The following ITGB8 variants were observed in gnomAD, a reference collection of about 807,000 sequenced individuals.
The protein encoded by ITGB8 is integrin beta-8.
Under a neutral mutation model 89.5 loss-of-function variants are expected in ITGB8, and 30 were observed. That is an observed-to-expected ratio of 0.34 (90% confidence interval 0.25 to 0.45). The LOEUF is 0.45. Ranked by LOEUF, ITGB8 falls within the 20% of genes least tolerant of loss-of-function variation. The pLI is 1.00. For synonymous variants in ITGB8, 335 were observed against 320.4 expected (o/e 1.05, Z -0.49); for missense variants, 836 against 933.3 (o/e 0.90, Z 1.36).
Position 20,367,332 on chromosome 7 carries a change from A to T in ITGB8, c.388+146A>T, listed in dbSNP as rs946551067. ...CTCAGAATCAAGAAATTAGAATTCT[A>T]GTCTTTATAGTGCCTGCAGCCAGCT... On this transcript the variant is annotated intron_variant, in intron 3 of 13. Transcript: ENST00000222573. The T allele has an allele frequency of 1.6e-5, 11 of 667,306 alleles. No homozygotes were observed. The African/African-American group carries it at 2.0e-4, about 12-fold the overall frequency. 41.3% of individuals were successfully genotyped at this position (667,306 alleles called of 1,614,324 possible).
chr7:20,340,943 T>C (rs1319608023), intron 1 of ITGB8, among the ~76,000 whole-genome samples: 3 of 152,236 alleles, frequency 2.0e-5, no homozygotes, highest in Admixed American at 1.3e-4. Flanking sequence ...TCTTTTCTAA[T>C]TGCCTGCTGG....
rs768725752 is a variant in ITGB8, at chr7:20,380,669, C to T, written c.639C>T (p.Asp213=). ...HPERIHNQCS[D]YNLDCMPPHG... Reference sequence around the variant, plus strand: ...CACTTCTTCTTTTCCCACACAGTGACTACAATTTAGACTGCATGCCTCCCC... The same window carrying T: ...CACTTCTTCTTTTCCCACACAGTGATTACAATTTAGACTGCATGCCTCCCC... Residue 213 remains aspartate (D), a synonymous_variant, in exon 5 of 14, where the codon GAC becomes GAT. Transcript: ENST00000222573. 1.2e-6 allele frequency: 2 copies of T among 1,612,264 alleles called. No individual in the cohort carries two copies. Among genetic ancestry groups the T allele is most frequent in the African/African-American group, 1.3e-5 (1 of 74,886 alleles).
In ITGB8 at chr7:20,398,976, C is replaced by T. The variant is rs1434747294; in HGVS notation, c.1263C>T (p.Asn421=). The change falls in exon 9 of 14, where the codon AAC becomes AAT. Residue 421 remains asparagine (N), a synonymous_variant. Coordinates refer to ENST00000222573, the MANE Select transcript of ITGB8 (RefSeq NM_002214.3). Reference sequence around the variant, plus strand: ...AGCCAGGCATGGAAGGATGCAGAAACGTGACGAGCAATGATGAAGTATGTG... The same window carrying T: ...AGCCAGGCATGGAAGGATGCAGAAATGTGACGAGCAATGATGAAGTATGTG... ...SRKPGMEGCR[N]VTSNDEVLFN... The T allele has an allele frequency of 4.3e-6, 7 of 1,613,394 alleles. No homozygotes were observed. Among genetic ancestry groups the T allele is most frequent in the Admixed American group, 3.3e-5 (2 of 59,902 alleles).
intron 6 of ITGB8, among the ~76,000 whole-genome samples, chr7:20,387,800 T>C (rs1317852978): frequency 2.0e-5 from 3 of 152,218 alleles, no homozygotes; most frequent in African/African-American, 4.8e-5. Context: ...TGCAACTATG[T>C]AGATACAAAA....
At chr7:20,336,353 T>G (rs1430567006) in intron 1 of ITGB8, among the ~76,000 whole-genome samples, 1 of 152,164 alleles carries the variant, frequency 6.6e-6, no homozygotes, top group Admixed American at 6.5e-5. Flanking sequence ...TCCAGAATAT[T>G]TATCTCTAAA....
Position 20,414,559 on chromosome 7 carries a change from A to G in ITGB8, c.*4562A>G, listed in dbSNP as rs1435751320. ...TTTTGCAGCATCTTACATGTCTTGT[A>G]TCAATGGCAGGAGAAAAATATGATA... On this transcript the variant is annotated 3_prime_UTR_variant, in exon 14 of 14. Coordinates refer to ENST00000222573, the MANE Select transcript of ITGB8 (RefSeq NM_002214.3). 1 of 152,618 alleles carries G rather than the reference A, an allele frequency of 6.6e-6. No individual in the cohort carries two copies. The highest frequency in any genetic ancestry group is 1.9e-4 in the East Asian group (1 of 5,206). The allele number at this position is 152,618 out of a possible 1,614,324, so 9.5% of individuals were successfully genotyped here. A position where few individuals can be genotyped will look rare whatever the true frequency, so the allele number is the denominator to read the frequency against.
chr7:20,402,082 AG>A lies in ITGB8; in HGVS notation c.1645del (p.Asp549MetfsTer135). On this transcript the variant is annotated frameshift_variant, in exon 10 of 14. Transcript: ENST00000222573. LOFTEE classifies it high-confidence loss of function. ...AAAGTGTATGGAAAATACTGTGAAAAGGATGACTTTTCTTGTCCATATCACC... is the reference window on the plus strand; with the variant it reads ...AAAGTGTATGGAAAATACTGTGAAAAGATGACTTTTCTTGTCCATATCACC... ...LGKVYGKYCE[K>X]DDFSCPYHHG... 6.2e-7 allele frequency: 1 copy of A among 1,613,970 alleles called. No individual in the cohort carries two copies. Among genetic ancestry groups the A allele is most frequent in the Non-Finnish European group, 8.5e-7 (1 of 1,179,898 alleles).
At chr7:20,390,534 GC>G (rs1786813144) in intron 6 of ITGB8, among the ~76,000 whole-genome samples, 1 of 151,964 alleles carries the variant, frequency 6.6e-6, no homozygotes, top group Non-Finnish European at 1.5e-5. Flanking sequence ...CACAAAGAGT[GC>G]CACAGTTGGC....
intron 1 of ITGB8, among the ~76,000 whole-genome samples, chr7:20,356,804 A>G (rs567707982): frequency 1.3e-5 from 2 of 152,314 alleles, no homozygotes; most frequent in African/African-American, 4.8e-5. Flanking sequence ...ATGTCTCTAA[A>G]AACTTGTACT....
chr7:20,340,624 A>G (rs1235974601), intron 1 of ITGB8, among the ~76,000 whole-genome samples: 3 of 152,234 alleles, frequency 2.0e-5, no homozygotes, highest in Admixed American at 1.3e-4. Context: ...TCATGTGTAC[A>G]TGTGGTATCA....
At chr7:20,382,122 C>T (rs958157102) in intron 6 of ITGB8, 1 of 374,938 alleles carries the variant, frequency 2.7e-6, no homozygotes, top group African/African-American at 2.1e-5. Flanking sequence ...AATGACAAAG[C>T]ACTGTATAAT....
At position 20,410,153 on chromosome 7, in the gene ITGB8, G is replaced by GAT; in HGVS notation, c.*157_*158dup. On this transcript the variant is annotated 3_prime_UTR_variant, in exon 14 of 14. Coordinates refer to ENST00000222573, the MANE Select transcript of ITGB8 (RefSeq NM_002214.3). ...GAAGACTGACAAGTATCCTCATCAT[G>GAT]ATGTGACTCACATAGCTGCTGACTT... The GAT allele has an allele frequency of 1.4e-6, 1 of 699,598 alleles. No homozygotes were observed. The highest frequency in any genetic ancestry group is 2.4e-6 in the Non-Finnish European group (1 of 418,950). 43.3% of individuals were successfully genotyped at this position (699,598 alleles called of 1,614,324 possible).
rs755436545 is a variant in ITGB8 at position 20,412,208 on chromosome 7, C to T, written c.*2211C>T. On this transcript the variant is annotated 3_prime_UTR_variant, in exon 14 of 14. Coordinates refer to ENST00000222573, the MANE Select transcript of ITGB8 (RefSeq NM_002214.3). The stretch of plus-strand genomic sequence containing the variant: ...CTGTTAGATGTCCTCTACAGCCAAG[C>T]ACTTTCAATGCTAACTTGAACTGCA... 6.6e-6 allele frequency: 1 copy of T among 152,576 alleles called. No homozygotes were observed. Among genetic ancestry groups the T allele is most frequent in the East Asian group, 1.9e-4 (1 of 5,192 alleles). 9.5% of individuals were successfully genotyped at this position (152,576 alleles called of 1,614,324 possible). A position where few individuals can be genotyped will look rare whatever the true frequency, so the allele number is the denominator to read the frequency against.
chr7:20,389,038 T>C (rs949150828), intron 6 of ITGB8, among the ~76,000 whole-genome samples: 19 of 152,236 alleles, frequency 1.2e-4, no homozygotes, highest in Non-Finnish European at 4.4e-5. Flanking sequence ...CAGTCTATCA[T>C]TGATGGGCAT....
At chr7:20,375,651 C>G (rs778556916) in intron 3 of ITGB8, among the ~76,000 whole-genome samples, 3 of 152,082 alleles carry the variant, frequency 2.0e-5, no homozygotes, top group Non-Finnish European at 4.4e-5. Flanking sequence ...CTTCAACACC[C>G]AAACCCCCTA....
intron 1 of ITGB8, among the ~76,000 whole-genome samples, chr7:20,334,688 A>G (rs950735188): frequency 1.3e-5 from 2 of 152,186 alleles, no homozygotes; most frequent in Non-Finnish European, 2.9e-5. Context: ...TTAACAAAAA[A>G]TTCAGCCTTC....
At chr7:20,408,618 G>A (rs749790249) in intron 12 of ITGB8, among the ~76,000 whole-genome samples, 2 of 152,132 alleles carry the variant, frequency 1.3e-5, no homozygotes, top group Non-Finnish European at 2.9e-5. Context: ...TGGAGAGTAG[G>A]GAGGGGAACA....
At chr7:20,366,042 G>A in intron 2 of ITGB8, 1 of 152,282 alleles carries the variant, frequency 6.6e-6, no homozygotes, top group East Asian at 1.9e-4. Context: ...TATGTAGCAT[G>A]TTAATCTGCC....
At chr7:20,405,864 A>G (rs1484465344) in intron 11 of ITGB8, among the ~76,000 whole-genome samples, 198 bp from the exon 12 acceptor site, 1 of 152,206 alleles carries the variant, frequency 6.6e-6, no homozygotes, top group Non-Finnish European at 1.5e-5. Flanking sequence ...TAAGTTTTTT[A>G]GAATTATGCA....
Sources: gnomAD v4.1 joint callset for allele counts (sites outside exome capture counted in the v4.1 genomes callset) on GRCh38, gnomAD v4.1.1 for gene constraint, MANE v1.5 for transcripts, NCBI Gene and HGNC (gene_info 2026-07-23, HGNC 2026-07-21) for gene names.